The following PRKN variants were observed in gnomAD, a reference collection of about 807,000 sequenced individuals.
PRKN encodes parkin RBR E3 ubiquitin protein ligase.
PRKN carries 56 observed loss-of-function variants against 59.5 expected under a neutral mutation model. The ratio of observed to expected loss-of-function variants is 0.94; its 90% confidence interval spans 0.76 to 1.18. The LOEUF (loss-of-function observed/expected upper bound fraction) is 1.18, where lower values mean the gene tolerates loss of function less well. PRKN is among the 50% of genes most tolerant of loss of function. The pLI is 0.00. For missense variants in PRKN, 657 were observed against 596.4 expected (o/e 1.10, Z -1.06); for synonymous variants, 250 against 222.1 (o/e 1.13, Z -1.12).
chr6:161,964,505 GC>G (rs1780502374), intron 6 of PRKN, among the ~76,000 whole-genome samples: 1 of 152,092 alleles, frequency 6.6e-6, no homozygotes, highest in East Asian at 1.9e-4. Context: ...GTGTGAAGTA[GC>G]CTGCTTCAAG....
intron 7 of PRKN, among the ~76,000 whole-genome samples, chr6:161,587,866 G>T (rs1781575360): frequency 6.6e-6 from 1 of 152,018 alleles, no homozygotes; most frequent in Non-Finnish European, 1.5e-5. Context: ...TTGGATTCTA[G>T]TAACATCACC....
intron 6 of PRKN, among the ~76,000 whole-genome samples, chr6:161,787,677 T>C (rs1790476178): frequency 6.6e-6 from 1 of 152,222 alleles, no homozygotes; most frequent in South Asian, 2.1e-4. Context: ...CCAGGCGTGG[T>C]GGCTCACGCC....
chr6:161,899,220 A>G (rs1046053372), intron 6 of PRKN, among the ~76,000 whole-genome samples: 1 of 152,378 alleles, frequency 6.6e-6, no homozygotes, highest in Non-Finnish European at 1.5e-5. Flanking sequence ...AGATATTTGC[A>G]TAAATATATT....
In PRKN at chr6:161,548,823, A is replaced by G. The variant is rs1779886428; in HGVS notation, c.1083+31T>C. On this transcript the variant is annotated intron_variant, in intron 9 of 11. Coordinates refer to ENST00000366898, the MANE Select transcript of PRKN (RefSeq NM_004562.3). The surrounding 1 kb of genome is among the most constrained non-coding windows in gnomAD (Gnocchi z 4.2). ...TGCAAAAGCAAACAAGGACAGGAAC[A>G]CACCGCTCCAGGGGTGTGGGCAGTA... The G allele has an allele frequency of 6.2e-7, 1 of 1,609,156 alleles. No homozygotes were observed. The highest frequency in any genetic ancestry group is 1.3e-5 in the African/African-American group (1 of 74,840).
intron 1 of PRKN, among the ~76,000 whole-genome samples, chr6:162,687,906 C>T (rs1032845356): frequency 1.3e-5 from 2 of 152,058 alleles, no homozygotes; most frequent in African/African-American, 4.8e-5. Flanking sequence ...TTAATTTACA[C>T]AATGGAGAAC....
At chr6:161,383,948 C>T (rs536041947) in intron 10 of PRKN, among the ~76,000 whole-genome samples, 1 of 152,294 alleles carries the variant, frequency 6.6e-6, no homozygotes, top group African/African-American at 2.4e-5. Flanking sequence ...GGTTGGTTTG[C>T]TTTGTTTTCA....
intron 6 of PRKN, among the ~76,000 whole-genome samples, chr6:161,821,571 C>A (rs564621156): frequency 6.6e-6 from 1 of 152,158 alleles, no homozygotes; most frequent in South Asian, 2.1e-4. Context: ...ATCACACATT[C>A]ATTTTCACAG....
intron 6 of PRKN, among the ~76,000 whole-genome samples, chr6:161,805,412 T>G (rs1480818706): frequency 6.6e-6 from 1 of 151,492 alleles, no homozygotes; most frequent in Non-Finnish European, 1.5e-5. Context: ...GAGGTCCCGC[T>G]AGGGAGCCCT....
Position 161,406,000 on chromosome 6 carries a change from T to G in PRKN, c.1084-19123A>C, listed in dbSNP as rs1787254687. On this transcript the variant is annotated intron_variant, in intron 9 of 11. Coordinates refer to ENST00000366898, the MANE Select transcript of PRKN (RefSeq NM_004562.3). The surrounding 1 kb of genome is among the most constrained non-coding windows in gnomAD (Gnocchi z 5.1). ...TCAGCATGGGAGTAAACCCACCTCC[T>G]TAAGAGCACTGGGAAAGAACCTGAT... Among the ~76,000 whole-genome samples, 1 of 152,108 alleles carries G rather than the reference T, an allele frequency of 6.6e-6. No homozygotes were observed. Among genetic ancestry groups the G allele is most frequent in the Non-Finnish European group, 1.5e-5 (1 of 68,024 alleles).
At chr6:162,022,054 T>C (rs1170221728) in intron 5 of PRKN, among the ~76,000 whole-genome samples, 1 of 152,190 alleles carries the variant, frequency 6.6e-6, no homozygotes, top group African/African-American at 2.4e-5. Flanking sequence ...CTGCATAGTA[T>C]TCTATGGTGT....
intron 6 of PRKN, among the ~76,000 whole-genome samples, chr6:161,864,383 G>C: frequency 6.6e-6 from 1 of 152,224 alleles, no homozygotes; most frequent in Admixed American, 6.5e-5. Flanking sequence ...ACCTGTTCAA[G>C]TTTGATTATG....
At chr6:162,551,050 T>A (rs1345205879) in intron 1 of PRKN, among the ~76,000 whole-genome samples, 1 of 152,208 alleles carries the variant, frequency 6.6e-6, no homozygotes, top group Non-Finnish European at 1.5e-5. Context: ...AGACCCTTCT[T>A]ATCATCTCTC....
chr6:161,576,319 C>G lies in PRKN; in HGVS notation c.872-6903G>C, dbSNP rs1024122168. ...TCTCCGTAGCCAATACTTGCTGTCT[C>G]AAGATATCCTAAGCCAGTTAAGGAG... is the stretch of plus-strand genomic sequence containing the variant. On this transcript the variant is annotated intron_variant, in intron 7 of 11. Coordinates refer to ENST00000366898, the MANE Select transcript of PRKN (RefSeq NM_004562.3). The surrounding 1 kb of genome is among the most constrained non-coding windows in gnomAD (Gnocchi z 4.6). Among the ~76,000 whole-genome samples, 1 of 152,212 alleles carries G rather than the reference C, an allele frequency of 6.6e-6. No individual in the cohort carries two copies. Among genetic ancestry groups the G allele is most frequent in the Non-Finnish European group, 1.5e-5 (1 of 68,042 alleles).
At chr6:162,389,029 A>AAAC (rs1168223162) in intron 2 of PRKN, among the ~76,000 whole-genome samples, 2 of 150,774 alleles carry the variant, frequency 1.3e-5, no homozygotes, top group South Asian at 2.1e-4. Flanking sequence ...AAAAAACAAA[A>AAAC]AAACCTGACC....
At chr6:161,887,766 A>C (rs1408865038) in intron 6 of PRKN, among the ~76,000 whole-genome samples, 1 of 152,228 alleles carries the variant, frequency 6.6e-6, no homozygotes, top group Non-Finnish European at 1.5e-5. Context: ...GTAGAAATGC[A>C]ATCTAGCAGA....
Position 161,399,170 on chromosome 6 carries a change from A to G in PRKN, c.1084-12293T>C, listed in dbSNP as rs1786914434. Among the ~76,000 whole-genome samples the G allele has an allele frequency of 6.6e-6, 1 of 152,084 alleles. No individual in the cohort carries two copies. Among genetic ancestry groups the G allele is most frequent in the Non-Finnish European group, 1.5e-5 (1 of 68,010 alleles). ...CAGGGGAAGATCATCTTTCTACTCC[A>G]TCCCCTTTCCAGCTCCCCATCCATC... is the stretch of plus-strand genomic sequence containing the variant. On this transcript the variant is annotated intron_variant, in intron 9 of 11. Transcript: ENST00000366898. This position sits in a 1 kb window ranked among gnomAD's most constrained non-coding sequence, Gnocchi z 4.4.
At chr6:161,805,864 G>T (rs1791298107) in intron 6 of PRKN, among the ~76,000 whole-genome samples, 1 of 152,138 alleles carries the variant, frequency 6.6e-6, no homozygotes, top group Non-Finnish European at 1.5e-5. Flanking sequence ...TTTGCCCCAT[G>T]GGTCCACCTG....
Position 161,369,276 on chromosome 6 carries a change from G to A in PRKN, c.1168-9071C>T, listed in dbSNP as rs554297274. ...GATTCTAAAAATGATCCCAAGGCTT[G>A]TGTCCAGACTCTGGAGATTGGGATT... On this transcript the variant is annotated intron_variant, in intron 10 of 11. Transcript: ENST00000366898. This position sits in a 1 kb window ranked among gnomAD's most constrained non-coding sequence, Gnocchi z 5.8. 3.6e-4 allele frequency among the ~76,000 whole-genome samples: 55 copies of A among 152,200 alleles called. No homozygotes were observed. The highest frequency in any genetic ancestry group is 6.5e-4 in the Non-Finnish European group (44 of 68,038).
chr6:161,973,456 G>A (rs763704094), intron 5 of PRKN, 39 bp from the exon 6 acceptor site: 32 of 1,148,784 alleles, frequency 2.8e-5, no homozygotes, highest in African/African-American at 6.0e-5. Flanking sequence ...CATGGATCCC[G>A]GCTGCTCATT....
Sources: gnomAD v4.1 joint callset for allele counts (sites outside exome capture counted in the v4.1 genomes callset) on GRCh38, gnomAD v4.1.1 for gene constraint, Gnocchi (gnomAD v3.1) non-coding constraint, MANE v1.5 for transcripts, NCBI Gene and HGNC (gene_info 2026-07-23, HGNC 2026-07-21) for gene names.